Variants in POU2F1 observed in about 807,000 individuals in gnomAD.
POU2F1 encodes the protein POU domain, class 2, transcription factor 1.
In POU2F1, 16 loss-of-function variants were observed where a neutral mutation model predicts 84.9. The observed-to-expected ratio is 0.19, with a 90% confidence interval of 0.13 to 0.29. The LOEUF (loss-of-function observed/expected upper bound fraction) is 0.29. Among genes scored for constraint, POU2F1 ranks in the 10% least tolerant of loss-of-function variants. The pLI, the probability that POU2F1 is intolerant of heterozygous loss-of-function variation, is 1.00. For missense variants in POU2F1, 738 were observed against 942.6 expected, an observed-to-expected ratio of 0.78 and a Z score of 2.84; for synonymous variants, 368 against 368.3, an observed-to-expected ratio of 1.00 and a Z score of 0.01.
intron 1 of POU2F1, among the ~76,000 whole-genome samples, chr1:167,298,464 C>T (rs898728714): frequency 6.6e-6 from 1 of 151,850 alleles, no homozygotes; most frequent in Admixed American, 6.6e-5. Context: ...TTTCTGTTTC[C>T]TGCTCTGTAT....
At chr1:167,252,919 G>A (rs1357639925) in intron 1 of POU2F1, among the ~76,000 whole-genome samples, 1 of 152,184 alleles carries the variant, frequency 6.6e-6, no homozygotes, top group Non-Finnish European at 1.5e-5. Context: ...CAAAGACTGT[G>A]CTGACCGCCA....
chr1:167,310,838 A>G (rs902233533), intron 1 of POU2F1, among the ~76,000 whole-genome samples: 21 of 152,228 alleles, frequency 1.4e-4, no homozygotes, highest in African/African-American at 4.3e-4. Context: ...TAGAAATTTT[A>G]GAACAGACAG....
intron 1 of POU2F1, among the ~76,000 whole-genome samples, chr1:167,319,886 C>T (rs536777698): frequency 4.6e-5 from 7 of 152,272 alleles, no homozygotes; most frequent in African/African-American, 1.4e-4. Flanking sequence ...AGTTGGGCAT[C>T]ACTTGGTAAT....
chr1:167,247,589 A>T (rs1340191336), intron 1 of POU2F1, among the ~76,000 whole-genome samples: 5 of 152,090 alleles, frequency 3.3e-5, no homozygotes, highest in African/African-American at 1.2e-4. Context: ...ATCAATTGGA[A>T]CATTGACCTG....
intron 1 of POU2F1, among the ~76,000 whole-genome samples, chr1:167,236,248 G>C (rs897105477): frequency 6.6e-6 from 1 of 151,536 alleles, no homozygotes; most frequent in African/African-American, 2.4e-5. Context: ...GATTACAGGC[G>C]CCTGCCACCA....
At chr1:167,300,093 C>A (rs931524360) in intron 1 of POU2F1, among the ~76,000 whole-genome samples, 2 of 152,176 alleles carry the variant, frequency 1.3e-5, no homozygotes, top group African/African-American at 4.8e-5. Context: ...ATAAAAAGAA[C>A]AAAACCATGT....
At chr1:167,265,248 G>A (rs1651861492) in intron 1 of POU2F1, among the ~76,000 whole-genome samples, 1 of 152,214 alleles carries the variant, frequency 6.6e-6, no homozygotes, top group African/African-American at 2.4e-5. Context: ...ATGAGAGATG[G>A]TGGCTGAGAC....
intron 9 of POU2F1, 112 bp from the exon 10 acceptor site, chr1:167,396,174 G>T: frequency 8.0e-7 from 1 of 1,243,188 alleles, no homozygotes; most frequent in South Asian, 1.4e-5. Flanking sequence ...AATAATTACT[G>T]ACTCCTTGTC....
In POU2F1 at chr1:167,224,509, T is replaced by C. The variant is rs563015395; in HGVS notation, c.61+3551T>C. On this transcript the variant is annotated intron_variant, in intron 1 of 15. Transcript: ENST00000367866. ...ATTTATCTTAGTCTGGACAAGTTTG[T>C]TCATTTTGTTTTGATTAGTGATTTT... Among the ~76,000 whole-genome samples the C allele has an allele frequency of 1.2e-3, 181 of 152,344 alleles. 1 individual carries two copies. The highest frequency in any genetic ancestry group is 2.8e-3 in the Admixed American group (43 of 15,306).
chr1:167,226,848 G>C (rs1648666521), intron 1 of POU2F1, among the ~76,000 whole-genome samples: 1 of 152,174 alleles, frequency 6.6e-6, no homozygotes, highest in African/African-American at 2.4e-5. Context: ...AAGCACTCAA[G>C]ATTTCAGTGT....
At position 167,341,020 on chromosome 1, in the gene POU2F1, A is replaced by G. The variant is rs1042907347; in HGVS notation, c.127+8485A>G. 7.2e-5 allele frequency among the ~76,000 whole-genome samples: 11 copies of G among 152,240 alleles called. No homozygotes were observed. In the South Asian group the frequency reaches 2.1e-3, roughly 29 times the overall value. On this transcript the variant is annotated intron_variant, in intron 2 of 15. Coordinates refer to ENST00000367866, the MANE Select transcript of POU2F1 (RefSeq NM_002697.4). ...GTTTAAATCATGATGATGCTAGGCAATTTATGTTCAGCATGAAGAAACAGT... is the reference window on the plus strand; with the variant it reads ...GTTTAAATCATGATGATGCTAGGCAGTTTATGTTCAGCATGAAGAAACAGT...
Position 167,412,012 on chromosome 1 carries a change from C to T in POU2F1, c.1609C>T (p.Pro537Ser). ...AGCAACCGTGATTTCCACAGCGCCT[C>T]CAGCTTCCTCAGCAGTCACGTCCCC... The part of the protein sequence containing the change: ...NTATVISTAP[P>S]ASSAVTSPSL... The change falls in exon 14 of 16, where the codon CCA (proline) becomes TCA (serine). Residue 537 changes from proline (P) to serine (S), a missense_variant. By Grantham distance (74) the Pro-to-Ser change is moderately conservative. Around this residue, in one of 4 missense-constraint regions of POU2F1, gnomAD observed 319 missense variants for 386.0 expected, o/e 0.83. Coordinates refer to ENST00000367866, the MANE Select transcript of POU2F1 (RefSeq NM_002697.4). The T allele has an allele frequency of 6.2e-7, 1 of 1,614,170 alleles. No individual in the cohort carries two copies. Among genetic ancestry groups the T allele is most frequent in the Middle Eastern group, 1.6e-4 (1 of 6,062 alleles).
chr1:167,393,208 G>A (rs924260963), intron 9 of POU2F1, among the ~76,000 whole-genome samples: 1 of 152,008 alleles, frequency 6.6e-6, no homozygotes, highest in Non-Finnish European at 1.5e-5. Context: ...ATTTACTTTT[G>A]TGAGTGATAA....
At chr1:167,238,166 A>T (rs1649642724) in intron 1 of POU2F1, among the ~76,000 whole-genome samples, 2 of 151,862 alleles carry the variant, frequency 1.3e-5, no homozygotes, top group Non-Finnish European at 2.9e-5. Flanking sequence ...TTTTTTTGAG[A>T]TGCATTAATG....
intron 1 of POU2F1, among the ~76,000 whole-genome samples, chr1:167,250,647 C>T (rs1382070998): frequency 6.6e-6 from 1 of 152,126 alleles, no homozygotes; most frequent in Non-Finnish European, 1.5e-5. Context: ...CATAGCCAAA[C>T]CTTTAGTGGA....
At position 167,259,983 on chromosome 1, in the gene POU2F1, A is replaced by C. The variant is rs546801982; in HGVS notation, c.61+39025A>C. Among the ~76,000 whole-genome samples the C allele has an allele frequency of 7.9e-5, 12 of 151,674 alleles. No individual in the cohort carries two copies. The South Asian group carries it at 2.3e-3, about 29-fold the overall frequency. ...AAGCTTCGCCTTCTGGGTTCACGCG[A>C]TTCTCCTGCCTCAGCCTCCCGAGTA... is the stretch of plus-strand genomic sequence containing the variant. On this transcript the variant is annotated intron_variant, in intron 1 of 15. Transcript: ENST00000367866.
chr1:167,228,092 A>G (rs1284240082), intron 1 of POU2F1, among the ~76,000 whole-genome samples: 3 of 152,324 alleles, frequency 2.0e-5, no homozygotes, highest in Admixed American at 6.5e-5. Context: ...AGACTTTTAA[A>G]CCGAGCTTTA....
chr1:167,393,883 AAAC>A, intron 9 of POU2F1, among the ~76,000 whole-genome samples: 1 of 152,366 alleles, frequency 6.6e-6, no homozygotes, highest in Non-Finnish European at 1.5e-5. Context: ...GCTGTAATCT[AAAC>A]AAGCTGACCA....
chr1:167,337,470 C>T (rs1300522719), intron 2 of POU2F1, among the ~76,000 whole-genome samples: 1 of 152,036 alleles, frequency 6.6e-6, no homozygotes, highest in Non-Finnish European at 1.5e-5. Context: ...GGATCTAAAG[C>T]TGGAGAATTT....
Sources: allele counts gnomAD v4.1 joint callset (sites outside exome capture counted in the v4.1 genomes callset), GRCh38; gene constraint gnomAD v4.1.1; regional missense constraint gnomAD v4.1.1; transcripts MANE v1.5; gene names NCBI Gene and HGNC (gene_info 2026-07-23, HGNC 2026-07-21).